The following TMEM45B variants were observed in gnomAD, a reference collection of about 807,000 sequenced individuals.
TMEM45B encodes the protein transmembrane protein 45B.
Under a neutral mutation model 27.3 loss-of-function variants are expected in TMEM45B, and 29 were observed. The ratio of observed to expected loss-of-function variants is 1.06; its 90% CI spans 0.79 to 1.45. The LOEUF (loss-of-function observed/expected upper bound fraction) is 1.45, where lower values mean the gene tolerates loss of function less well. Among genes scored for constraint, TMEM45B ranks in the 40% most tolerant of loss-of-function variants. The pLI, the probability that TMEM45B is intolerant of heterozygous loss-of-function variation, is 0.00. For missense variants in TMEM45B, 348 were observed against 343.9 expected (o/e 1.01, Z -0.09); for synonymous variants, 143 against 134.7 (o/e 1.06, Z -0.43).
At chr11:129,826,564 A>AG (rs1591435520) in intron 1 of TMEM45B, among the ~76,000 whole-genome samples, 10 of 136,042 alleles carry the variant, frequency 7.4e-5, no homozygotes, top group South Asian at 2.6e-4. Flanking sequence ...AAAAAAAAAA[A>AG]AAAAGGACCC....
At chr11:129,846,541 T>A (rs1392451574) in intron 1 of TMEM45B, among the ~76,000 whole-genome samples, 1 of 151,994 alleles carries the variant, frequency 6.6e-6, no homozygotes. Flanking sequence ...ATTCCACAAG[T>A]ATTTACTGAG....
At chr11:129,836,712 G>A (rs569024815) in intron 1 of TMEM45B, among the ~76,000 whole-genome samples, 31 of 152,238 alleles carry the variant, frequency 2.0e-4, no homozygotes, top group Admixed American at 5.2e-4. Flanking sequence ...CCAAGCCAAG[G>A]AGAGAGGCCT....
intron 2 of TMEM45B, chr11:129,852,869 A>G: frequency 2.4e-6 from 1 of 422,246 alleles, no homozygotes; most frequent in Non-Finnish European, 4.1e-6. Flanking sequence ...ATCATGGGAC[A>G]CTGTGAAAAA....
chr11:129,844,302 G>A (rs1224993977), intron 1 of TMEM45B, among the ~76,000 whole-genome samples: 1 of 152,134 alleles, frequency 6.6e-6, no homozygotes, highest in East Asian at 1.9e-4. Flanking sequence ...GAGCAGTGGG[G>A]GAAATGGGGA....
At chr11:129,857,669 C>T (rs146197083) in intron 5 of TMEM45B, among the ~76,000 whole-genome samples, 1 of 152,126 alleles carries the variant, frequency 6.6e-6, no homozygotes, top group Non-Finnish European at 1.5e-5. Context: ...TCATAGTAAC[C>T]TGAGGGACCC....
intron 1 of TMEM45B, among the ~76,000 whole-genome samples, chr11:129,841,265 G>C (rs1251947885): frequency 6.6e-5 from 10 of 152,264 alleles, no homozygotes; most frequent in Non-Finnish European, 1.3e-4. Context: ...CCTTGGCTTT[G>C]CTGGCTTAAC....
At chr11:129,846,575 C>T (rs1046885999) in intron 1 of TMEM45B, among the ~76,000 whole-genome samples, 2 of 152,110 alleles carry the variant, frequency 1.3e-5, no homozygotes, top group Non-Finnish European at 2.9e-5. Flanking sequence ...TCTGGCCCTG[C>T]GGTAAGCTGT....
Position 129,854,945 on chromosome 11 carries a change from G to A in TMEM45B, c.385+129G>A, listed in dbSNP as rs1591453172. 1.0e-5 allele frequency: 11 copies of A among 1,070,726 alleles called. No homozygotes were observed. In the East Asian group the frequency reaches 1.8e-4, roughly 17 times the overall value. 66.3% of individuals were successfully genotyped at this position (1,070,726 alleles called of 1,614,324 possible). ...CCCAGAAAATCCACATCTCTGGACT[G>A]CCAAAACCTGAATAGGACCTAGTGC... On this transcript the variant is annotated intron_variant, in intron 3 of 5. Transcript: ENST00000281441.
chr11:129,817,368 C>A (rs1031548193), intron 1 of TMEM45B, among the ~76,000 whole-genome samples: 1 of 152,150 alleles, frequency 6.6e-6, no homozygotes, highest in African/African-American at 2.4e-5. Flanking sequence ...CAGTGAGCTT[C>A]TTGGTTTAAT....
intron 1 of TMEM45B, among the ~76,000 whole-genome samples, chr11:129,826,125 C>T (rs1257400264): frequency 6.6e-6 from 1 of 152,008 alleles, no homozygotes; most frequent in African/African-American, 2.4e-5. Context: ...TTCATCCTCC[C>T]TTCTCCATGA....
At chr11:129,826,544 G>A (rs1196227339) in intron 1 of TMEM45B, among the ~76,000 whole-genome samples, 1 of 14,560 alleles carries the variant, frequency 6.9e-5, no homozygotes, top group Non-Finnish European at 1.4e-4. Flanking sequence ...GCAAGACTCT[G>A]TCACAAAAAA....
At chr11:129,835,306 GA>G (rs1947606882) in intron 1 of TMEM45B, among the ~76,000 whole-genome samples, 1 of 152,196 alleles carries the variant, frequency 6.6e-6, no homozygotes, top group Admixed American at 6.5e-5. Context: ...GTGATGCATG[GA>G]TACAGTCAAC....
intron 1 of TMEM45B, among the ~76,000 whole-genome samples, chr11:129,847,315 C>T (rs1434632846): frequency 6.6e-6 from 1 of 152,132 alleles, no homozygotes; most frequent in African/African-American, 2.4e-5. Flanking sequence ...TGAGGAGGGA[C>T]AGAACATGAG....
At chr11:129,835,912 G>C (rs554292162) in intron 1 of TMEM45B, among the ~76,000 whole-genome samples, 6 of 152,224 alleles carry the variant, frequency 3.9e-5, no homozygotes, top group Non-Finnish European at 7.3e-5. Flanking sequence ...GAGATCAGGA[G>C]TTGGAGACCA....
chr11:129,816,531 G>C (rs928528007), intron 1 of TMEM45B, among the ~76,000 whole-genome samples: 6 of 152,098 alleles, frequency 3.9e-5, no homozygotes, highest in Non-Finnish European at 7.4e-5. Flanking sequence ...GGATGGAAGC[G>C]GATGTCAGGC....
intron 1 of TMEM45B, 101 bp downstream of exon 1, chr11:129,815,999 A>G: frequency 8.1e-7 from 1 of 1,233,178 alleles, no homozygotes; most frequent in Non-Finnish European, 1.0e-6. Context: ...GGAGGTTCCG[A>G]CTCGCAGGGG....
At chr11:129,847,119 C>T (rs1468224357) in intron 1 of TMEM45B, among the ~76,000 whole-genome samples, 1 of 152,122 alleles carries the variant, frequency 6.6e-6, no homozygotes, top group Non-Finnish European at 1.5e-5. Context: ...TGAGAGAGCT[C>T]CAGGAAGTTG....
At position 129,855,805 on chromosome 11, in the gene TMEM45B, C is replaced by G. The variant is rs761888055; in HGVS notation, c.483C>G (p.Ile161Met). 7.4e-6 allele frequency: 12 copies of G among 1,614,058 alleles called. No individual in the cohort carries two copies. The highest frequency in any genetic ancestry group is 3.3e-4 in the Middle Eastern group (2 of 6,084). The part of the protein sequence containing the change: ...LYALFGGCVS[I>M]SLEVIFRDHI... ...CTCTGTTCGGAGGGTGTGTTAGTAT[C>G]TCCCTAGAGGTGATCTTCCGGGACC... Residue 161 changes from isoleucine to methionine, a missense_variant, in exon 4 of 6, where the codon ATC becomes ATG. Ile to Met is a conservative substitution (Grantham distance 10, BLOSUM62 1). Coordinates refer to ENST00000281441, the MANE Select transcript of TMEM45B (RefSeq NM_138788.5).
chr11:129,840,136 C>T (rs73031491), intron 1 of TMEM45B, among the ~76,000 whole-genome samples: 21,096 of 152,220 alleles, frequency 0.14, 1,576 homozygotes, highest in South Asian at 0.28. Context: ...ATCTCCTCCA[C>T]GTGTTCCATA....
Sources: allele counts gnomAD v4.1 joint callset (sites outside exome capture counted in the v4.1 genomes callset), GRCh38; gene constraint gnomAD v4.1.1; transcripts MANE v1.5; gene names NCBI Gene and HGNC (gene_info 2026-07-23, HGNC 2026-07-21).